PHACTR1: variants seen among roughly 807,000 people sequenced by gnomAD.
PHACTR1 encodes the protein RPEL repeat containing 1.
PHACTR1 carries 16 observed loss-of-function variants against 69.2 expected under a neutral mutation model. The observed-to-expected ratio is 0.23, with a 90% CI of 0.16 to 0.35. The LOEUF (loss-of-function observed/expected upper bound fraction) is 0.35, where lower values mean the gene tolerates loss of function less well. Among genes scored for constraint, PHACTR1 ranks in the 10% least tolerant of loss-of-function variants. PHACTR1 has a pLI of 1.00. For missense variants in PHACTR1, 510 were observed against 734.7 expected (o/e 0.69, Z 3.54); for synonymous variants, 312 against 284.5 (o/e 1.10, Z -0.97).
intron 3 of PHACTR1, among the ~76,000 whole-genome samples, chr6:12,748,822 G>A (rs1422200454): frequency 6.6e-6 from 1 of 152,146 alleles, no homozygotes; most frequent in Non-Finnish European, 1.5e-5. Flanking sequence ...GGTTAGAAAA[G>A]GCCACTCAAT....
chr6:13,107,356 C>T (rs1368200686), intron 5 of PHACTR1, among the ~76,000 whole-genome samples: 1 of 152,204 alleles, frequency 6.6e-6, no homozygotes, highest in Non-Finnish European at 1.5e-5. Flanking sequence ...AAGGAATCCT[C>T]CCACCTTGGC....
intron 4 of PHACTR1, among the ~76,000 whole-genome samples, chr6:12,821,153 G>C (rs1286875709): frequency 6.6e-6 from 1 of 152,000 alleles, no homozygotes; most frequent in Non-Finnish European, 1.5e-5. Flanking sequence ...CAAATATAAA[G>C]AAGAAGTGCA....
intron 5 of PHACTR1, among the ~76,000 whole-genome samples, chr6:13,126,615 C>T (rs899526481): frequency 6.6e-6 from 1 of 152,190 alleles, no homozygotes. Flanking sequence ...AAAAAGGTGA[C>T]CCACCATGGT....
chr6:12,939,769 TC>T (rs1342817070), intron 4 of PHACTR1, among the ~76,000 whole-genome samples: 2 of 151,916 alleles, frequency 1.3e-5, no homozygotes, highest in African/African-American at 2.4e-5. Flanking sequence ...ATCCAGGTTT[TC>T]TGACATCCAG....
chr6:13,275,650 T>C lies in PHACTR1; in HGVS notation c.1448-2618T>C, dbSNP rs1175432620. 6.6e-6 allele frequency: 1 copy of C among 151,922 alleles called. No individual in the cohort carries two copies. Among genetic ancestry groups the C allele is most frequent in the Non-Finnish European group, 1.5e-5 (1 of 68,052 alleles). The allele number at this position is 151,922 out of a possible 1,614,324, so 9.4% of individuals were successfully genotyped here. A position where few individuals can be genotyped will look rare whatever the true frequency, so the allele number is the denominator to read the frequency against. On this transcript the variant is annotated intron_variant, in intron 11 of 14. Coordinates refer to ENST00000332995, the MANE Select transcript of PHACTR1 (RefSeq NM_030948.6). The surrounding 1 kb of genome is among the most constrained non-coding windows in gnomAD (Gnocchi z 4.0). ...CTATCTGTGTAACCACTGAGCCAGG[T>C]AGGGTGTGACTGGCCACTTAACACC...
intron 4 of PHACTR1, among the ~76,000 whole-genome samples, chr6:12,982,718 A>G (rs6900619): frequency 0.5 from 75,690 of 152,016 alleles, 21,366 homozygotes; most frequent in African/African-American, 0.77. Flanking sequence ...GCTCTCAAGA[A>G]TCAGTTTACT....
rs1381513440 is a variant in PHACTR1 at position 13,275,896 on chromosome 6, TC to T, written c.1448-2368del. On this transcript the variant is annotated intron_variant, in intron 11 of 14. Coordinates refer to ENST00000332995, the MANE Select transcript of PHACTR1 (RefSeq NM_030948.6). This position sits in a 1 kb window ranked among gnomAD's most constrained non-coding sequence, Gnocchi z 4.0. Reference sequence around the variant, plus strand: ...CTCCTTCTGGTTCTTGCTGTCTGCCTCCCCATTTAACTCTGCTAGATTAATT... The same window carrying T: ...CTCCTTCTGGTTCTTGCTGTCTGCCTCCCATTTAACTCTGCTAGATTAATT... 2.0e-5 allele frequency: 3 copies of T among 152,136 alleles called. No individual in the cohort carries two copies. 9.4% of individuals were successfully genotyped at this position (152,136 alleles called of 1,614,324 possible).
intron 5 of PHACTR1, among the ~76,000 whole-genome samples, chr6:13,092,261 C>T (rs1406524358): frequency 6.6e-6 from 1 of 152,180 alleles, no homozygotes; most frequent in African/African-American, 2.4e-5. Context: ...ACAGACCAGT[C>T]CTGGGGCCTG....
Position 12,944,134 on chromosome 6 carries a change from T to G in PHACTR1, c.251-109231T>G, listed in dbSNP as rs147991952. Among the ~76,000 whole-genome samples the G allele has an allele frequency of 3.3e-3, 507 of 152,298 alleles. 8 individuals are homozygous for G. In the East Asian group the frequency reaches 0.039, roughly 12 times the overall value. ...ACTGATAACAAAAGGGATGACTCTT[T>G]TATTACCAGACAGCAGCCATGGAAG... On this transcript the variant is annotated intron_variant, in intron 4 of 14. Transcript: ENST00000332995.
Position 13,031,509 on chromosome 6 carries a change from G to A in PHACTR1, c.251-21856G>A, listed in dbSNP as rs553899358. On this transcript the variant is annotated intron_variant, in intron 4 of 14. Transcript: ENST00000332995. ...GAATTCTATTAAAACTTTAAGATGA[G>A]GGGTGATACAATTTTTTGATCTGAT... Among the ~76,000 whole-genome samples the A allele has an allele frequency of 6.9e-3, 1,058 of 152,248 alleles. 14 individuals carry two copies. Among genetic ancestry groups the A allele is most frequent in the African/African-American group, 0.024 (995 of 41,540 alleles).
chr6:12,838,171 C>T (rs1778342036), intron 4 of PHACTR1, among the ~76,000 whole-genome samples: 1 of 152,196 alleles, frequency 6.6e-6, no homozygotes, highest in African/African-American at 2.4e-5. Context: ...AAGTGACAGC[C>T]CGTCCCCGTG....
chr6:12,754,128 A>ATTTTTT (rs34841058), intron 4 of PHACTR1, among the ~76,000 whole-genome samples: 12 of 112,426 alleles, frequency 1.1e-4, no homozygotes, highest in African/African-American at 2.7e-4. Flanking sequence ...ACGCCTGGCT[A>ATTTTTT]TTTTTTTTTT....
At chr6:13,139,847 G>A (rs139727024) in intron 5 of PHACTR1, among the ~76,000 whole-genome samples, 11 of 152,028 alleles carry the variant, frequency 7.2e-5, no homozygotes, top group South Asian at 4.2e-4. Context: ...AAAAAAAAAT[G>A]CAACCCTTCC....
In PHACTR1 at chr6:12,843,113, C is replaced by T. The variant is rs1778866386; in HGVS notation, c.250+93323C>T. 2.0e-5 allele frequency among the ~76,000 whole-genome samples: 3 copies of T among 152,272 alleles called. No homozygotes were observed. The South Asian group carries it at 6.2e-4, about 32-fold the overall frequency. On this transcript the variant is annotated intron_variant, in intron 4 of 14. Transcript: ENST00000332995. ...TTAATGTGGGAACTAGGACTCTTTT[C>T]TCTTGTTAAAATTCCCTATAGCAAG...
chr6:12,912,109 G>A (rs186414801), intron 4 of PHACTR1, among the ~76,000 whole-genome samples: 10 of 152,174 alleles, frequency 6.6e-5, no homozygotes, highest in East Asian at 1.9e-4. Flanking sequence ...GTGATTCTCC[G>A]GCCTCAGCCT....
At chr6:13,197,548 T>TTTA (rs796591010) in intron 7 of PHACTR1, among the ~76,000 whole-genome samples, 8 of 151,850 alleles carry the variant, frequency 5.3e-5, no homozygotes, top group Admixed American at 2.0e-4. Flanking sequence ...TCCTTTTTTT[T>TTTA]TTATTATTAT....
At chr6:13,182,977 G>C (rs887310199) in intron 7 of PHACTR1, among the ~76,000 whole-genome samples, 5 of 151,992 alleles carry the variant, frequency 3.3e-5, no homozygotes, top group Admixed American at 1.3e-4. Flanking sequence ...TTATTATTTT[G>C]TTTTTTAACA....
chr6:12,957,172 C>G (rs546376230), intron 4 of PHACTR1, among the ~76,000 whole-genome samples: 1 of 150,310 alleles, frequency 6.7e-6, no homozygotes, highest in Non-Finnish European at 1.5e-5. Flanking sequence ...TATAATGGAA[C>G]TGCCCTGAGT....
intron 7 of PHACTR1, among the ~76,000 whole-genome samples, chr6:13,197,104 C>T (rs949212207): frequency 6.6e-5 from 10 of 152,216 alleles, no homozygotes; most frequent in Non-Finnish European, 1.3e-4. Context: ...CTGTCTGACC[C>T]TCCAAACAAC....
Sources: gnomAD v4.1 joint callset for allele counts (sites outside exome capture counted in the v4.1 genomes callset) on GRCh38, gnomAD v4.1.1 for gene constraint, Gnocchi (gnomAD v3.1) non-coding constraint, MANE v1.5 for transcripts, NCBI Gene and HGNC (gene_info 2026-07-23, HGNC 2026-07-21) for gene names.